The following ZCCHC14 variants were observed in gnomAD, a reference collection of about 807,000 sequenced individuals.
ZCCHC14 encodes the protein zinc finger CCHC-type containing 14, also known as zinc finger CCHC domain-containing protein 14.
Under a neutral mutation model 85.0 loss-of-function variants are expected in ZCCHC14, and 16 were observed. The ratio of observed to expected loss-of-function variants is 0.19; its 90% CI spans 0.13 to 0.29. ZCCHC14 has a LOEUF of 0.29. Among genes scored for constraint, ZCCHC14 ranks in the 10% least tolerant of loss-of-function variants. The pLI is 1.00. For missense variants in ZCCHC14, 1,303 were observed against 1,443.5 expected, an observed-to-expected ratio of 0.90 and a Z score of 1.58; for synonymous variants, 775 against 630.7, an observed-to-expected ratio of 1.23 and a Z score of -3.43.
At chr16:87,417,395 C>T in intron 8 of ZCCHC14, 65 bp downstream of exon 8, 1 of 1,571,002 alleles carries the variant, frequency 6.4e-7, no homozygotes, top group Non-Finnish European at 8.7e-7. Context: ...AAACTCAATG[C>T]CCCCAGGGAG....
chr16:87,434,087 C>A (rs889313253), intron 2 of ZCCHC14, among the ~76,000 whole-genome samples: 1 of 152,318 alleles, frequency 6.6e-6, no homozygotes, highest in African/African-American at 2.4e-5. Flanking sequence ...ACGGGATGGA[C>A]AGCCAGAGGG....
intron 10 of ZCCHC14, among the ~76,000 whole-genome samples, chr16:87,413,990 A>G (rs1453567887): frequency 6.6e-6 from 1 of 152,264 alleles, no homozygotes; most frequent in Non-Finnish European, 1.5e-5. Context: ...AGAGACTATA[A>G]TAGTTAATGG....
At chr16:87,443,450 C>T (rs954645285) in intron 2 of ZCCHC14, among the ~76,000 whole-genome samples, 1 of 152,172 alleles carries the variant, frequency 6.6e-6, no homozygotes, top group Non-Finnish European at 1.5e-5. Flanking sequence ...AAGATGCTGA[C>T]AGTGGCCAGG....
intron 1 of ZCCHC14, among the ~76,000 whole-genome samples, chr16:87,485,928 T>G (rs541654305): frequency 1.3e-5 from 2 of 152,310 alleles, no homozygotes; most frequent in African/African-American, 4.8e-5. Flanking sequence ...GATGCCTATC[T>G]CCAGTTATCT....
At chr16:87,415,166 C>T in intron 9 of ZCCHC14, 110 bp downstream of exon 9, 1 of 820,002 alleles carries the variant, frequency 1.2e-6, no homozygotes. Flanking sequence ...ACTGGATAAG[C>T]AACAGGAACT....
rs932409771 is a variant in ZCCHC14, at chr16:87,408,827, T to C, written c.*1453A>G. 5 of 152,536 alleles carry C rather than the reference T, an allele frequency of 3.3e-5. No individual in the cohort carries two copies. The highest frequency in any genetic ancestry group is 1.2e-4 in the African/African-American group (5 of 41,470). The allele number at this position is 152,536 out of a possible 1,614,324, so 9.4% of individuals were successfully genotyped here. ...GAGGCTGATTGTCCCATTTTAAGAATAGTCTGAATATTATAATTTTTTTTA... is the reference window on the plus strand; with the variant it reads ...GAGGCTGATTGTCCCATTTTAAGAACAGTCTGAATATTATAATTTTTTTTA... On this transcript the variant is annotated 3_prime_UTR_variant, in exon 13 of 13. Transcript: ENST00000671377.
At chr16:87,457,376 C>G (rs552799900) in intron 2 of ZCCHC14, among the ~76,000 whole-genome samples, 18 of 152,330 alleles carry the variant, frequency 1.2e-4, no homozygotes, top group Admixed American at 2.0e-4. Flanking sequence ...GGCTTTGAAT[C>G]CCAGCTGACC....
chr16:87,449,612 T>G (rs1910600477), intron 2 of ZCCHC14, among the ~76,000 whole-genome samples: 1 of 152,148 alleles, frequency 6.6e-6, no homozygotes, highest in South Asian at 2.1e-4. Context: ...TTTCTTTAAT[T>G]TGCTTTCAAG....
Position 87,412,458 on chromosome 16 carries a change from T to A in ZCCHC14, c.2263A>T (p.Thr755Ser). The change falls in exon 12 of 13, where the codon ACC becomes TCC. Residue 755 changes from threonine to serine, a missense_variant. This residue lies in a region of ZCCHC14 where 797 missense variants were observed against 730.8 expected (regional missense o/e 1.09). Coordinates refer to ENST00000671377, the MANE Select transcript of ZCCHC14 (RefSeq NM_015144.3). ...TAQQPALVVE[T>S]STAATGTPST... ...GGCGTCCCCGTGGCGGCCGTGCTGG[T>A]CTCCACGACCAGGGCCGGTTGCTGT... 1.2e-6 allele frequency: 2 copies of A among 1,613,906 alleles called. No individual in the cohort carries two copies. The highest frequency in any genetic ancestry group is 1.7e-6 in the Non-Finnish European group (2 of 1,179,968).
At chr16:87,437,432 G>A (rs1045272612) in intron 2 of ZCCHC14, among the ~76,000 whole-genome samples, 21 of 150,532 alleles carry the variant, frequency 1.4e-4, no homozygotes, top group Admixed American at 9.3e-4. Context: ...GACAGGATCC[G>A]CGCTGGCCAG....
At position 87,413,190 on chromosome 16, in the gene ZCCHC14, G is replaced by C. The variant is rs778712332; in HGVS notation, c.1609C>G (p.Arg537Gly). The change falls in exon 11 of 13, where the codon CGG becomes GGG. Residue 537 changes from arginine to glycine, a missense_variant. This residue lies in a region of ZCCHC14 where 58 missense variants were observed against 88.2 expected (regional missense o/e 0.66). Transcript: ENST00000671377. The part of the protein sequence containing the change: ...SGRGSHAAEL[R>G]VEVEQPHHQL... ...TGATGGGGCTGCTCCACTTCCACCCGCAGCTCTGCAGAAAAGGGACAGAGG... is the reference window on the plus strand; with the variant it reads ...TGATGGGGCTGCTCCACTTCCACCCCCAGCTCTGCAGAAAAGGGACAGAGG... The C allele has an allele frequency of 6.4e-7, 1 of 1,559,748 alleles. No homozygotes were observed. The highest frequency in any genetic ancestry group is 1.2e-5 in the South Asian group (1 of 85,002).
intron 2 of ZCCHC14, among the ~76,000 whole-genome samples, chr16:87,448,501 CTTCCT>C (rs557260689): frequency 9.3e-4 from 142 of 152,210 alleles, no homozygotes; most frequent in African/African-American, 3.3e-3. Flanking sequence ...GAACATGCTC[CTTCCT>C]TTCATCTTCT....
intron 3 of ZCCHC14, among the ~76,000 whole-genome samples, chr16:87,430,046 G>C (rs185924476): frequency 1.3e-5 from 2 of 152,340 alleles, no homozygotes; most frequent in Admixed American, 6.5e-5. Flanking sequence ...CTCTCAAAGA[G>C]AAAGTTTCAA....
intron 1 of ZCCHC14, among the ~76,000 whole-genome samples, chr16:87,480,473 A>C (rs531198767): frequency 1.3e-5 from 2 of 152,336 alleles, no homozygotes; most frequent in East Asian, 1.9e-4. Context: ...CTTCACTAGA[A>C]TCTCCAGCTA....
intron 8 of ZCCHC14, among the ~76,000 whole-genome samples, chr16:87,416,410 AAACATTTAAAACTAATTATG>A (rs1908785369): frequency 6.6e-6 from 1 of 152,192 alleles, no homozygotes; most frequent in African/African-American, 2.4e-5. Flanking sequence ...CGTAAGAATA[AAACATTTAAAACTAATTATG>A]AACAAGGTTA....
intron 1 of ZCCHC14, among the ~76,000 whole-genome samples, chr16:87,463,721 G>A (rs1245325928): frequency 1.3e-5 from 2 of 152,308 alleles, no homozygotes; most frequent in African/African-American, 4.8e-5. Flanking sequence ...TACTCGGGAG[G>A]CTGAGGCAGG....
Position 87,492,306 on chromosome 16 carries a change from G to A in ZCCHC14, c.-68C>T. On this transcript the variant is annotated 5_prime_UTR_variant, in exon 1 of 13. Coordinates refer to ENST00000671377, the MANE Select transcript of ZCCHC14 (RefSeq NM_015144.3). The surrounding 1 kb of genome is among the most constrained non-coding windows in gnomAD (Gnocchi z 6.7). ...GCGGGGGCGGCCGGGGGGCGCCGGG[G>A]GCCGCGGCCGGGGCGCGCCGGGACC... is the stretch of plus-strand genomic sequence containing the variant. 5 of 864,176 alleles carry A rather than the reference G, an allele frequency of 5.8e-6. No homozygotes were observed. Among genetic ancestry groups the A allele is most frequent in the Non-Finnish European group, 6.9e-6 (5 of 723,242 alleles). The allele number at this position is 864,176 out of a possible 1,614,324, so 53.5% of individuals were successfully genotyped here.
At chr16:87,444,913 C>G (rs915622535) in intron 2 of ZCCHC14, among the ~76,000 whole-genome samples, 1 of 152,136 alleles carries the variant, frequency 6.6e-6, no homozygotes, top group Non-Finnish European at 1.5e-5. Flanking sequence ...ACTTCCTGAT[C>G]TTGATGGCAG....
At chr16:87,419,078 T>A (rs1354557936) in intron 6 of ZCCHC14, among the ~76,000 whole-genome samples, 177 bp from the exon 7 acceptor site, 5 of 152,058 alleles carry the variant, frequency 3.3e-5, no homozygotes, top group Non-Finnish European at 7.4e-5. Context: ...TGCCTCAGCC[T>A]CCCGAGTAGC....
Sources: allele counts gnomAD v4.1 joint callset (sites outside exome capture counted in the v4.1 genomes callset), GRCh38; gene constraint gnomAD v4.1.1; regional missense constraint gnomAD v4.1.1; non-coding constraint Gnocchi (gnomAD v3.1); transcripts MANE v1.5; gene names NCBI Gene and HGNC (gene_info 2026-07-23, HGNC 2026-07-21).